Variants in CPA5 observed in about 807,000 individuals in gnomAD.
The protein encoded by CPA5 is carboxypeptidase A5, also known as testicular tissue protein Li 32.
A neutral mutation model predicts 52.2 loss-of-function variants in CPA5; 38 were observed. The ratio of observed to expected loss-of-function variants is 0.73; its 90% CI spans 0.56 to 0.95. CPA5 has a LOEUF of 0.95. CPA5 is among the 40% of genes least tolerant of loss of function. The probability of loss-of-function intolerance (pLI) is 0.00; values close to 1 mark genes in which losing one functional copy is unlikely to be tolerated. For missense variants in CPA5, 519 were observed against 566.7 expected (o/e 0.92, Z 0.86); for synonymous variants, 198 against 213.7 (o/e 0.93, Z 0.64).
Position 130,356,518 on chromosome 7 carries a change from G to A in CPA5, c.334-3071G>A, listed in dbSNP as rs1014947589. Among the ~76,000 whole-genome samples the A allele has an allele frequency of 2.6e-5, 4 of 152,218 alleles. No individual in the cohort carries two copies. In the South Asian group the frequency reaches 8.3e-4, roughly 32 times the overall value. ...AGCCCCAGGAATGGAGCAAACGCTG[G>A]TGCATTTTCCAGGCCAAGGCAGATT... On this transcript the variant is annotated intron_variant, in intron 5 of 12. Coordinates refer to ENST00000474905, the MANE Select transcript of CPA5 (RefSeq NM_080385.5).
intron 12 of CPA5, 62 bp downstream of exon 12, chr7:130,368,052 C>A (rs1251313550): frequency 6.8e-6 from 10 of 1,474,870 alleles, no homozygotes; most frequent in Non-Finnish European, 9.5e-6. Context: ...GGCTGCAGGG[C>A]AGTGCCAAGG....
At chr7:130,370,111 G>A (rs1796279317), downstream of CPA5, among the ~76,000 whole-genome samples, 1 of 152,270 alleles carries the variant, frequency 6.6e-6, no homozygotes, top group African/African-American at 2.4e-5. Flanking sequence ...ATAGAGGCCA[G>A]AAGGCCAAAC....
At chr7:130,352,332 C>T (rs75459318) in intron 5 of CPA5, among the ~76,000 whole-genome samples, 1,844 of 151,806 alleles carry the variant, frequency 0.012, 14 homozygotes, top group Middle Eastern at 0.027. Flanking sequence ...GCCCTGTATC[C>T]AGGACAGCTG....
intron 4 of CPA5, among the ~76,000 whole-genome samples, chr7:130,348,677 T>C (rs1554403003): frequency 2.0e-5 from 3 of 152,048 alleles, no homozygotes; most frequent in Non-Finnish European, 4.4e-5. Context: ...GAAGTTGCAA[T>C]GAGTATGAGT....
intron 7 of CPA5, 115 bp downstream of exon 7, chr7:130,361,359 A>G: frequency 1.4e-6 from 1 of 708,524 alleles, no homozygotes. Context: ...CAATTTGTCT[A>G]CTCCTGTCCC....
At chr7:130,372,730 G>A (rs1796306522), downstream of CPA5, among the ~76,000 whole-genome samples, 1 of 152,172 alleles carries the variant, frequency 6.6e-6, no homozygotes, top group Non-Finnish European at 1.5e-5. Flanking sequence ...TGGGCGTATT[G>A]CTGCCCCAAT....
chr7:130,369,087 G>A (rs138029427), downstream of CPA5, among the ~76,000 whole-genome samples: 24 of 152,306 alleles, frequency 1.6e-4, no homozygotes, highest in African/African-American at 5.8e-4. Context: ...TTCCCATGCA[G>A]GGAGGGAGCA....
chr7:130,346,762 A>G (rs781986550), intron 3 of CPA5, among the ~76,000 whole-genome samples, 161 bp downstream of exon 3: 7 of 151,996 alleles, frequency 4.6e-5, no homozygotes, highest in African/African-American at 7.2e-5. Flanking sequence ...TCCCACTTTC[A>G]TGCTCCGGGG....
chr7:130,359,658 A>G lies in CPA5; in HGVS notation c.403A>G (p.Ser135Gly), dbSNP rs1213210599. ...RRLERSTNSF[S>G]YSSYHTLEEI... Reference sequence around the variant, plus strand: ...GCTGGAGCGCAGCACCAACAGCTTCAGTTACTCATCATACCACACCCTGGA... The same window carrying G: ...GCTGGAGCGCAGCACCAACAGCTTCGGTTACTCATCATACCACACCCTGGA... The change falls in exon 6 of 13, where the codon AGT becomes GGT. Residue 135 changes from serine (S) to glycine (G), a missense_variant. Ser to Gly is a moderately conservative substitution (Grantham distance 56). Transcript: ENST00000474905. 3 of 1,586,618 alleles carry G rather than the reference A, an allele frequency of 1.9e-6. No individual in the cohort carries two copies. The highest frequency in any genetic ancestry group is 1.3e-5 in the African/African-American group (1 of 74,666).
chr7:130,371,586 T>C (rs1179241384), downstream of CPA5, among the ~76,000 whole-genome samples: 1 of 151,912 alleles, frequency 6.6e-6, no homozygotes, highest in Non-Finnish European at 1.5e-5. Flanking sequence ...TTTTTTTTTT[T>C]TGAGACGGAG....
chr7:130,368,334 C>A, intron 12 of CPA5, 76 bp from the exon 13 acceptor site: 2 of 1,452,616 alleles, frequency 1.4e-6, no homozygotes, highest in Non-Finnish European at 9.4e-7. Context: ...CACTTTCCAC[C>A]CAGGATGCCT....
At chr7:130,357,582 C>CTGG (rs782271920) in intron 5 of CPA5, among the ~76,000 whole-genome samples, 3 of 149,732 alleles carry the variant, frequency 2.0e-5, no homozygotes, top group African/African-American at 7.4e-5. Context: ...GAGATCACGC[C>CTGG]ACTGTACTCC....
downstream of CPA5, among the ~76,000 whole-genome samples, chr7:130,369,374 A>G (rs1250123812): frequency 6.6e-6 from 1 of 152,176 alleles, no homozygotes; most frequent in African/African-American, 2.4e-5. Flanking sequence ...AGATACTAAG[A>G]AGACTCCTTC....
At chr7:130,361,034 C>A in intron 6 of CPA5, 109 bp from the exon 7 acceptor site, 1 of 717,874 alleles carries the variant, frequency 1.4e-6, no homozygotes, top group Non-Finnish European at 2.4e-6. Context: ...GTCTAAATAC[C>A]CAAAGCATTG....
At position 130,367,569 on chromosome 7, in the gene CPA5, T is replaced by C. The variant is rs1796166790; in HGVS notation, c.1036T>C (p.Leu346=). 2.5e-6 allele frequency: 4 copies of C among 1,613,218 alleles called. No individual in the cohort carries two copies. The Admixed American group carries it at 6.7e-5, about 27-fold the overall frequency. ...LLEPVSNQRE[L]YDLAKDAVEA... is the part of the protein sequence containing the mutation. ...GGAGCCCGTTTCAAATCAGAGGGAG[T>C]TGGTGAGACTGGCTGCTTAGGGCCT... Residue 346 remains leucine (L), a splice_region_variant and synonymous_variant, in exon 11 of 13, where the codon TTG becomes CTG. Coordinates refer to ENST00000474905, the MANE Select transcript of CPA5 (RefSeq NM_080385.5).
chr7:130,360,423 G>A (rs1554406308), intron 6 of CPA5, among the ~76,000 whole-genome samples: 2 of 152,234 alleles, frequency 1.3e-5, no homozygotes, highest in Admixed American at 1.3e-4. Context: ...GCCAGCCAGG[G>A]TAAGTGACTT....
At chr7:130,347,896 T>G in intron 4 of CPA5, 49 bp downstream of exon 4, 1 of 1,466,876 alleles carries the variant, frequency 6.8e-7, no homozygotes, top group Non-Finnish European at 9.5e-7. Context: ...CCTCAGTGGC[T>G]CACACATTTA....
intron 5 of CPA5, 78 bp downstream of exon 5, chr7:130,350,187 G>A (rs781915733): frequency 1.0e-5 from 15 of 1,477,184 alleles, no homozygotes; most frequent in African/African-American, 9.8e-5. Context: ...AGATGTTCTC[G>A]GGGCTAAAAG....
downstream of CPA5, among the ~76,000 whole-genome samples, chr7:130,372,214 C>T (rs1288556080): frequency 6.6e-6 from 1 of 152,218 alleles, no homozygotes; most frequent in Non-Finnish European, 1.5e-5. Context: ...CTGTCACCCC[C>T]ATCATGTGCG....
Sources: allele counts gnomAD v4.1 joint callset (sites outside exome capture counted in the v4.1 genomes callset), GRCh38; gene constraint gnomAD v4.1.1; transcripts MANE v1.5; gene names NCBI Gene and HGNC (gene_info 2026-07-23, HGNC 2026-07-21).